ADGRV1: variants seen among roughly 807,000 people sequenced by gnomAD.
The protein encoded by ADGRV1 is G-protein coupled receptor 98.
Under a neutral mutation model 596.2 loss-of-function variants are expected in ADGRV1, and 359 were observed. The observed-to-expected ratio is 0.60, with a 90% CI of 0.55 to 0.66. The LOEUF (loss-of-function observed/expected upper bound fraction) is 0.66, where lower values mean the gene tolerates loss of function less well. Among genes scored for constraint, ADGRV1 ranks in the 30% least tolerant of loss-of-function variants. The probability of loss-of-function intolerance (pLI) is 0.00; values close to 1 mark genes in which losing one functional copy is unlikely to be tolerated. For missense variants in ADGRV1, 7,274 were observed against 7,575.6 expected, an observed-to-expected ratio of 0.96 and a Z score of 1.48; for synonymous variants, 2,681 against 2,679.2, an observed-to-expected ratio of 1.00 and a Z score of -0.02.
intron 33 of ADGRV1, among the ~76,000 whole-genome samples, chr5:90,695,733 A>T (rs1199024358): frequency 1.3e-5 from 2 of 152,060 alleles, no homozygotes; most frequent in Non-Finnish European, 2.9e-5. Flanking sequence ...AAATTGTATA[A>T]AATATTTTTA....
chr5:90,758,201 C>T (rs554177067), intron 57 of ADGRV1, among the ~76,000 whole-genome samples: 1 of 151,988 alleles, frequency 6.6e-6, no homozygotes, highest in Non-Finnish European at 1.5e-5. Flanking sequence ...GGCGTGGTGG[C>T]GGGCACCTGT....
chr5:90,694,108 C>A lies in ADGRV1; in HGVS notation c.7352C>A (p.Ala2451Glu). ...TGCCTTAAGGAACAAGCTTGCTCAGCGTTTTCATTTTTCAGTGCTTCTGAG... is the reference window on the plus strand; with the variant it reads ...TGCCTTAAGGAACAAGCTTGCTCAGAGTTTTCATTTTTCAGTGCTTCTGAG... ...TLCLKEQACS[A>E]FSFFSASEGP... Residue 2451 changes from alanine to glutamate, a missense_variant, in exon 33 of 90, where the codon GCG (alanine) becomes GAG (glutamate). Around this residue, in one of 5 missense-constraint regions of ADGRV1, gnomAD observed 3,643 missense variants for 3,809.2 expected, o/e 0.96. Coordinates refer to ENST00000405460, the MANE Select transcript of ADGRV1 (RefSeq NM_032119.4). The A allele has an allele frequency of 6.2e-7, 1 of 1,613,784 alleles. No homozygotes were observed. The highest frequency in any genetic ancestry group is 8.5e-7 in the Non-Finnish European group (1 of 1,179,828).
At chr5:90,637,160 G>A (rs1055204168) in intron 10 of ADGRV1, among the ~76,000 whole-genome samples, 1 of 152,136 alleles carries the variant, frequency 6.6e-6, no homozygotes, top group Non-Finnish European at 1.5e-5. Flanking sequence ...TAGGATCAGA[G>A]AGGTTAAGTA....
chr5:90,777,867 C>A, intron 61 of ADGRV1, 38 bp from the exon 62 acceptor site: 1 of 1,493,704 alleles, frequency 6.7e-7, no homozygotes, highest in Non-Finnish European at 9.0e-7. Context: ...GTACCTTCAA[C>A]TGAAATGTAT....
At chr5:91,104,333 A>G (rs1791658712) in intron 87 of ADGRV1, among the ~76,000 whole-genome samples, 1 of 152,208 alleles carries the variant, frequency 6.6e-6, no homozygotes, top group Non-Finnish European at 1.5e-5. Flanking sequence ...ATAATTGTAT[A>G]TTTATGGGTA....
Position 90,831,304 on chromosome 5 carries a change from C to T in ADGRV1, c.16611+2118C>T, listed in dbSNP as rs532617321. On this transcript the variant is annotated intron_variant, in intron 77 of 89. Coordinates refer to ENST00000405460, the MANE Select transcript of ADGRV1 (RefSeq NM_032119.4). ...ATACACACACACACACACACAAAAA[C>T]ATAAGTACACGCACACACACACCCT... Among the ~76,000 whole-genome samples the T allele has an allele frequency of 2.0e-5, 3 of 150,610 alleles. No individual in the cohort carries two copies. The South Asian group carries it at 6.3e-4, about 32-fold the overall frequency.
chr5:91,087,941 A>G (rs1259447033), intron 86 of ADGRV1, among the ~76,000 whole-genome samples: 2 of 152,166 alleles, frequency 1.3e-5, no homozygotes, highest in African/African-American at 2.4e-5. Flanking sequence ...TTTTAACCTC[A>G]GTGCATTTTT....
chr5:90,589,809 A>C (rs927756732), intron 1 of ADGRV1, among the ~76,000 whole-genome samples: 6 of 152,184 alleles, frequency 3.9e-5, no homozygotes, highest in Non-Finnish European at 4.4e-5. Context: ...ACAGCATCAG[A>C]AATGACCAAA....
rs1745551072 is a variant in ADGRV1 at position 90,685,826 on chromosome 5, A to G, written c.6321A>G (p.Gln2107=). The G allele has an allele frequency of 6.2e-7, 1 of 1,612,076 alleles. No homozygotes were observed. Among genetic ancestry groups the G allele is most frequent in the Non-Finnish European group, 8.5e-7 (1 of 1,178,870 alleles). ...RLGPKVETIA[Q]LIIIANDDAF... ...GGCCTAAGGTAGAAACTATTGCGCA[A>G]CTAATTATCATTGCCAATGATGATG... The change falls in exon 29 of 90, where the codon CAA becomes CAG. Residue 2107 remains glutamine, a synonymous_variant. Transcript: ENST00000405460.
intron 1 of ADGRV1, chr5:90,614,088 G>A (rs1763038318): frequency 9.2e-6 from 2 of 217,834 alleles, no homozygotes; most frequent in Non-Finnish European, 1.8e-5. Context: ...GCTTTGGAAA[G>A]CACTTGAATC....
In ADGRV1 at chr5:90,614,931, A is replaced by C; in HGVS notation, c.119A>C (p.Glu40Ala). The C allele has an allele frequency of 6.2e-7, 1 of 1,601,658 alleles. No individual in the cohort carries two copies. Residue 40 changes from glutamate to alanine, a missense_variant, in exon 2 of 90, where the codon GAA becomes GCA. This residue lies in a region of ADGRV1 where 1,715 missense variants were observed against 1,708.8 expected (regional missense o/e 1.00). Transcript: ENST00000405460. ...ETEIRFTGQT[E>A]FVVNETSTTV... is the part of the protein sequence containing the mutation. ...GAAATAAGATTTACTGGACAAACTG[A>C]ATTTGTTGTTAATGAAACAAGTACA... is the stretch of plus-strand genomic sequence containing the variant.
chr5:91,069,913 A>T (rs1007149257), intron 85 of ADGRV1, among the ~76,000 whole-genome samples: 23 of 146,296 alleles, frequency 1.6e-4, no homozygotes, highest in African/African-American at 5.2e-4. Flanking sequence ...TAAACCATAG[A>T]ATACAATGTA....
At chr5:91,041,161 C>T (rs1785312103) in intron 85 of ADGRV1, among the ~76,000 whole-genome samples, 1 of 152,174 alleles carries the variant, frequency 6.6e-6, no homozygotes, top group Admixed American at 6.5e-5. Context: ...GATTATAAAT[C>T]ATTCTACTAT....
At chr5:90,892,086 CAT>C (rs1770878390) in intron 83 of ADGRV1, among the ~76,000 whole-genome samples, 1 of 151,916 alleles carries the variant, frequency 6.6e-6, no homozygotes, top group East Asian at 1.9e-4. Flanking sequence ...GGGGAAGTGT[CAT>C]AGAATCTTTC....
At position 90,728,804 on chromosome 5, in the gene ADGRV1, C is replaced by A; in HGVS notation, c.10297C>A (p.Leu3433Ile). 4 of 1,613,950 alleles carry A rather than the reference C, an allele frequency of 2.5e-6. No homozygotes were observed. Among genetic ancestry groups the A allele is most frequent in the Non-Finnish European group, 3.4e-6 (4 of 1,179,846 alleles). ...CCAGGCTAATGCCAGGCTAAACTCC[C>A]TTTTATTCAGATGGTCTGGCAGTGG... ...ISQANARLNS[L>I]LFRWSGSGFI... The change falls in exon 49 of 90, where the codon CTT (leucine) becomes ATT (isoleucine). Residue 3433 changes from leucine to isoleucine, a missense_variant. By Grantham distance (5) the Leu-to-Ile change is conservative. Coordinates refer to ENST00000405460, the MANE Select transcript of ADGRV1 (RefSeq NM_032119.4).
intron 22 of ADGRV1, 177 bp downstream of exon 22, chr5:90,672,899 T>G (rs1772687349): frequency 1.9e-6 from 1 of 528,908 alleles, no homozygotes; most frequent in African/African-American, 1.9e-5. Flanking sequence ...CTTTATCAGG[T>G]AGAGTTAGTT....
At chr5:90,665,450 A>G (rs1157669521) in intron 21 of ADGRV1, among the ~76,000 whole-genome samples, 4 of 151,610 alleles carry the variant, frequency 2.6e-5, no homozygotes, top group Non-Finnish European at 2.9e-5. Context: ...CTGTGGGATC[A>G]GTGGTGATAT....
chr5:90,880,299 A>G (rs1769636260), intron 83 of ADGRV1, among the ~76,000 whole-genome samples: 2 of 152,254 alleles, frequency 1.3e-5, no homozygotes, highest in Non-Finnish European at 2.9e-5. Context: ...ATAAATATGT[A>G]TATCATACAT....
chr5:91,019,552 T>C (rs964269566), intron 85 of ADGRV1, among the ~76,000 whole-genome samples: 1 of 151,226 alleles, frequency 6.6e-6, no homozygotes, highest in African/African-American at 2.4e-5. Context: ...CTTTGAACAT[T>C]GCTGTACATT....
Sources: gnomAD v4.1 joint callset for allele counts (sites outside exome capture counted in the v4.1 genomes callset) on GRCh38, gnomAD v4.1.1 for gene constraint, gnomAD v4.1.1 regional missense constraint, MANE v1.5 for transcripts, NCBI Gene and HGNC (gene_info 2026-07-23, HGNC 2026-07-21) for gene names.